GUCY2F: variants seen among roughly 807,000 people sequenced by gnomAD.
GUCY2F encodes the protein retinal guanylyl cyclase 2.
In GUCY2F, 61 loss-of-function variants were observed where a neutral mutation model predicts 73.1. The observed-to-expected ratio is 0.83, with a 90% CI of 0.68 to 1.03. The LOEUF is 1.03. GUCY2F is among the 50% of genes least tolerant of loss of function. The probability of loss-of-function intolerance (pLI) is 0.00; values close to 1 mark genes in which losing one functional copy is unlikely to be tolerated. For missense variants in GUCY2F, 912 were observed against 854.3 expected (o/e 1.07, Z -0.84); for synonymous variants, 331 against 307.8 (o/e 1.08, Z -0.79).
chrX:109,408,617 G>T (rs1931028961), intron 9 of GUCY2F, among the ~76,000 whole-genome samples: 1 of 112,185 alleles, frequency 8.9e-6, no homozygotes, highest in Non-Finnish European at 1.9e-5. Flanking sequence ...CCCGGGGGAG[G>T]TAATTGAATC....
chrX:109,450,482 G>A (rs182504516), intron 5 of GUCY2F, among the ~76,000 whole-genome samples: 1 of 111,709 alleles, frequency 9.0e-6, no homozygotes, highest in East Asian at 2.8e-4. Context: ...GCATTAGGTA[G>A]ACAGAGTCTG....
intron 16 of GUCY2F, among the ~76,000 whole-genome samples, chrX:109,383,679 C>A (rs1470661910): frequency 8.9e-6 from 1 of 111,957 alleles, no homozygotes; most frequent in Non-Finnish European, 1.9e-5. Context: ...ACAATAACTT[C>A]CTTGCACAGT....
chrX:109,384,152 C>T (rs867203410), intron 16 of GUCY2F, among the ~76,000 whole-genome samples: 46 of 111,889 alleles, frequency 4.1e-4, no homozygotes, highest in African/African-American at 1.5e-3. Flanking sequence ...ATTGTGTAAG[C>T]CTGTTTCTAC....
intron 8 of GUCY2F, among the ~76,000 whole-genome samples, chrX:109,428,911 C>A: frequency 9.0e-6 from 1 of 111,436 alleles, no homozygotes; most frequent in Non-Finnish European, 1.9e-5. Context: ...TAAAAGCTAC[C>A]CCAAAAAAGA....
chrX:109,475,164 T>A (rs1020931804), intron 2 of GUCY2F, 43 bp downstream of exon 2: 4 of 1,155,370 alleles, frequency 3.5e-6, no homozygotes, highest in Non-Finnish European at 4.7e-6. Flanking sequence ...GTAATCTCTT[T>A]CCCTGAAGTC....
chrX:109,452,394 A>G (rs1932154240), intron 4 of GUCY2F, among the ~76,000 whole-genome samples: 1 of 112,096 alleles, frequency 8.9e-6, no homozygotes, highest in South Asian at 3.7e-4. Flanking sequence ...ACAAATGGAA[A>G]ACTTTGAGTA....
At chrX:109,469,635 C>T (rs748384899) in intron 2 of GUCY2F, among the ~76,000 whole-genome samples, 3 of 110,789 alleles carry the variant, frequency 2.7e-5, no homozygotes, top group East Asian at 2.8e-4. Flanking sequence ...GCTAACAGGG[C>T]GGGGAGGGGA....
intron 7 of GUCY2F, among the ~76,000 whole-genome samples, chrX:109,430,604 C>T (rs1365888994): frequency 4.4e-5 from 5 of 112,374 alleles, no homozygotes; most frequent in African/African-American, 6.5e-5. Context: ...ATTACAGTTA[C>T]TCAAGACAGG....
At chrX:109,465,046 G>A (rs1932435538) in intron 3 of GUCY2F, 96 bp downstream of exon 3, 1 of 600,051 alleles carries the variant, frequency 1.7e-6, no homozygotes. Context: ...CCATTGACTG[G>A]GCCTCCTATG....
At chrX:109,446,948 A>C (rs1173802263) in intron 6 of GUCY2F, among the ~76,000 whole-genome samples, 1 of 112,351 alleles carries the variant, frequency 8.9e-6, no homozygotes, top group African/African-American at 3.2e-5. Context: ...AAAAAATCCC[A>C]TCAAAAAGTG....
At position 109,475,649 on chromosome X, in the gene GUCY2F, T is replaced by C; in HGVS notation, c.288A>G (p.Glu96=). 8.3e-7 allele frequency: 1 copy of C among 1,209,970 alleles called. No individual in the cohort carries two copies. Reference sequence around the variant, plus strand: ...GGCAGTCTTCATTGAGAATCACGTATTCAAAAGAATAACTCAGGTCAAAAG... The same window carrying C: ...GGCAGTCTTCATTGAGAATCACGTACTCAAAAGAATAACTCAGGTCAAAAG... ...DPSFDLSYSF[E]YVILNEDCQT... is the part of the protein sequence containing the mutation. Residue 96 remains glutamate (E), a synonymous_variant, in exon 2 of 20, where the codon GAA becomes GAG. Coordinates refer to ENST00000218006, the MANE Select transcript of GUCY2F (RefSeq NM_001522.3).
intron 3 of GUCY2F, among the ~76,000 whole-genome samples, chrX:109,462,396 T>A (rs1932380571): frequency 8.9e-6 from 1 of 112,556 alleles, no homozygotes; most frequent in African/African-American, 3.2e-5. Context: ...GACATGAAGA[T>A]AATTATCTCA....
chrX:109,404,823 C>T (rs1930937247), intron 9 of GUCY2F, among the ~76,000 whole-genome samples: 2 of 112,239 alleles, frequency 1.8e-5, no homozygotes, highest in Admixed American at 9.4e-5. Flanking sequence ...AACCCACTCT[C>T]ACCCATTATT....
chrX:109,395,242 G>C, intron 12 of GUCY2F, 99 bp downstream of exon 12: 1 of 717,675 alleles, frequency 1.4e-6, no homozygotes, highest in East Asian at 3.2e-5. Context: ...CCCCTTGCAA[G>C]AGGTTCCTTC....
chrX:109,459,252 A>G (rs1054087125), intron 3 of GUCY2F, among the ~76,000 whole-genome samples: 3 of 111,774 alleles, frequency 2.7e-5, no homozygotes, highest in African/African-American at 9.8e-5. Context: ...AAACATGGCA[A>G]CTGATTTAGC....
At chrX:109,419,318 G>A (rs1008009107) in intron 8 of GUCY2F, among the ~76,000 whole-genome samples, 12 of 110,433 alleles carry the variant, frequency 1.1e-4, no homozygotes, top group Admixed American at 3.8e-4. Flanking sequence ...AGCAAATATC[G>A]TCTAGCAATA....
intron 10 of GUCY2F, among the ~76,000 whole-genome samples, chrX:109,400,379 T>C (rs1357641477): frequency 9.0e-6 from 1 of 111,210 alleles, no homozygotes; most frequent in African/African-American, 3.3e-5. Context: ...TGGAGACAAA[T>C]GTCTGCTAAG....
At chrX:109,472,359 G>T (rs1252517889) in intron 2 of GUCY2F, among the ~76,000 whole-genome samples, 3 of 110,003 alleles carry the variant, frequency 2.7e-5, no homozygotes, top group Admixed American at 9.7e-5. Flanking sequence ...ACTGTATTTT[G>T]TATGTCACAA....
At chrX:109,405,480 C>T (rs997818078) in intron 9 of GUCY2F, among the ~76,000 whole-genome samples, 10 of 112,368 alleles carry the variant, frequency 8.9e-5, no homozygotes, top group African/African-American at 2.6e-4. Flanking sequence ...CCAGGACTCT[C>T]GTTCAGATGG....
Sources: allele counts gnomAD v4.1 joint callset (sites outside exome capture counted in the v4.1 genomes callset), GRCh38; gene constraint gnomAD v4.1.1; transcripts MANE v1.5; gene names NCBI Gene and HGNC (gene_info 2026-07-23, HGNC 2026-07-21).